Variants in SYNPR observed in about 807,000 individuals in gnomAD.
SYNPR encodes the protein synaptoporin.
In SYNPR, 23 loss-of-function variants were observed where a neutral mutation model predicts 32.9. The ratio of observed to expected loss-of-function variants is 0.70; its 90% CI spans 0.50 to 0.99. The LOEUF (loss-of-function observed/expected upper bound fraction) is 0.99. SYNPR is among the 50% of genes least tolerant of loss of function. The pLI is 0.00. For missense variants in SYNPR, 318 were observed against 349.3 expected (o/e 0.91, Z 0.71); for synonymous variants, 146 against 135.9 (o/e 1.07, Z -0.52).
chr3:63,405,510 G>A lies in SYNPR; in HGVS notation c.85-75322G>A, dbSNP rs75818165. ...GATGGAGAAGGCCTTGTTTTGTGTT[G>A]AGGCTACAGACAGAGATGAGACCCA... is the stretch of plus-strand genomic sequence containing the variant. On this transcript the variant is annotated intron_variant, in intron 2 of 5. Coordinates refer to ENST00000478300, the MANE Select transcript of SYNPR (RefSeq NM_001130003.2). Among the ~76,000 whole-genome samples, 984 of 152,256 alleles carry A rather than the reference G, an allele frequency of 6.5e-3. 15 individuals carry two copies. The East Asian group carries it at 0.068, about 11-fold the overall frequency.
At chr3:63,227,222 C>T (rs571760307), upstream of SYNPR, among the ~76,000 whole-genome samples, 1 of 152,322 alleles carries the variant, frequency 6.6e-6, no homozygotes, top group African/African-American at 2.4e-5. Flanking sequence ...TTGCTCCAGA[C>T]AGAGAGCGCT....
rs149821179 is a variant in SYNPR, at chr3:63,305,753, C to T, written c.84+27011C>T. 3.6e-3 allele frequency among the ~76,000 whole-genome samples: 544 copies of T among 152,064 alleles called. 2 individuals are homozygous for T. The highest frequency in any genetic ancestry group is 0.011 in the African/African-American group (476 of 41,538). ...CTCAGAAACTCCGCCCCTGTCAAAT[C>T]GAGTTGTTAGATACTCTCAGAACCC... On this transcript the variant is annotated intron_variant, in intron 2 of 5. Transcript: ENST00000478300.
chr3:63,380,471 C>T (rs1358940579), intron 2 of SYNPR, among the ~76,000 whole-genome samples: 1 of 152,118 alleles, frequency 6.6e-6, no homozygotes, highest in African/African-American at 2.4e-5. Flanking sequence ...TGTCTGTTGG[C>T]TGCATAAATG....
At chr3:63,415,742 C>A (rs760946867) in intron 2 of SYNPR, among the ~76,000 whole-genome samples, 2 of 152,338 alleles carry the variant, frequency 1.3e-5, no homozygotes, top group African/African-American at 4.8e-5. Context: ...GTTCTGCAAG[C>A]GTCCTTCTAA....
intron 2 of SYNPR, among the ~76,000 whole-genome samples, chr3:63,318,400 G>A (rs2087067692): frequency 6.6e-6 from 1 of 151,806 alleles, no homozygotes; most frequent in Non-Finnish European, 1.5e-5. Flanking sequence ...TAATTCTTAG[G>A]TTTGGTCATT....
chr3:63,327,742 G>A (rs1192898145), intron 2 of SYNPR, among the ~76,000 whole-genome samples: 1 of 152,144 alleles, frequency 6.6e-6, no homozygotes, highest in Admixed American at 6.6e-5. Flanking sequence ...AAAACACATT[G>A]TGGTATTAGA....
At chr3:63,508,161 A>G (rs1003015398) in intron 3 of SYNPR, among the ~76,000 whole-genome samples, 2 of 152,184 alleles carry the variant, frequency 1.3e-5, no homozygotes, top group Admixed American at 1.3e-4. Context: ...CTCCACCACT[A>G]TCAACTCTAT....
At chr3:63,369,378 G>A (rs188337532) in intron 2 of SYNPR, among the ~76,000 whole-genome samples, 34 of 152,256 alleles carry the variant, frequency 2.2e-4, no homozygotes, top group African/African-American at 7.5e-4. Flanking sequence ...TGGAGGAGGG[G>A]GTTAAGTGTG....
intron 4 of SYNPR, among the ~76,000 whole-genome samples, chr3:63,600,091 T>C (rs1700016010): frequency 6.6e-6 from 1 of 152,210 alleles, no homozygotes; most frequent in Non-Finnish European, 1.5e-5. Flanking sequence ...AAGCCAGCCA[T>C]CAATTATAAG....
intron 2 of SYNPR, among the ~76,000 whole-genome samples, chr3:63,341,929 T>C (rs1038202787): frequency 1.3e-5 from 2 of 152,224 alleles, no homozygotes; most frequent in Non-Finnish European, 2.9e-5. Context: ...TAGAAAGCCA[T>C]CACCCAATCC....
chr3:63,613,610 CAAAAAAAAAAA>C (rs10566584), intron 5 of SYNPR, among the ~76,000 whole-genome samples: 5 of 46,048 alleles, frequency 1.1e-4, no homozygotes, highest in African/African-American at 3.3e-4. Context: ...TATGCTGCAG[CAAAAAAAAAAA>C]AAAAAAAAAA....
intron 2 of SYNPR, among the ~76,000 whole-genome samples, chr3:63,467,937 C>A (rs758399622): frequency 6.6e-6 from 1 of 152,090 alleles, no homozygotes; most frequent in Non-Finnish European, 1.5e-5. Context: ...CGGTGGCTCA[C>A]ACCTGTAATC....
the SYNPR span, among the ~76,000 whole-genome samples, chr3:63,220,548 G>A: frequency 7.4e-5 from 11 of 149,642 alleles, no homozygotes; most frequent in African/African-American, 1.2e-4. Context: ...ATAGCAGAAA[G>A]AAGGAGAGAA....
intron 2 of SYNPR, among the ~76,000 whole-genome samples, chr3:63,296,359 C>G (rs1273853104): frequency 6.6e-6 from 1 of 152,198 alleles, no homozygotes; most frequent in Admixed American, 6.5e-5. Flanking sequence ...ACGTGGCCCA[C>G]AGTCTCCAGC....
chr3:63,257,600 G>C (rs1257996320), intron 2 of SYNPR, among the ~76,000 whole-genome samples: 1 of 152,166 alleles, frequency 6.6e-6, no homozygotes, highest in Non-Finnish European at 1.5e-5. Flanking sequence ...ACCAGTAACA[G>C]CCACTGCAAA....
chr3:63,383,037 G>T (rs1013984809), intron 2 of SYNPR, among the ~76,000 whole-genome samples: 1 of 152,058 alleles, frequency 6.6e-6, no homozygotes, highest in Non-Finnish European at 1.5e-5. Context: ...TTTATGGAAA[G>T]TGTTGTAGAG....
intron 2 of SYNPR, among the ~76,000 whole-genome samples, chr3:63,375,993 A>T (rs1353646055): frequency 2.0e-5 from 3 of 151,926 alleles, no homozygotes; most frequent in African/African-American, 4.8e-5. Context: ...ACCACCAACC[A>T]CTCAACTAGA....
At chr3:63,608,037 G>A (rs1700148314) in intron 4 of SYNPR, among the ~76,000 whole-genome samples, 1 of 152,024 alleles carries the variant, frequency 6.6e-6, no homozygotes, top group Non-Finnish European at 1.5e-5. Flanking sequence ...TTCCTGGTCG[G>A]CATTTTTATT....
At chr3:63,559,159 C>T (rs1174250183) in intron 4 of SYNPR, among the ~76,000 whole-genome samples, 1 of 150,850 alleles carries the variant, frequency 6.6e-6, no homozygotes, top group Non-Finnish European at 1.5e-5. Flanking sequence ...CCTTCACCTC[C>T]TGGGTTCAAA....
Sources: gnomAD v4.1 joint callset for allele counts (sites outside exome capture counted in the v4.1 genomes callset) on GRCh38, gnomAD v4.1.1 for gene constraint, MANE v1.5 for transcripts, NCBI Gene and HGNC (gene_info 2026-07-23, HGNC 2026-07-21) for gene names.